CHODL: variants seen among roughly 807,000 people sequenced by gnomAD.
The protein encoded by CHODL is chondrolectin, also known as transmembrane protein MT75.
A neutral mutation model predicts 34.5 loss-of-function variants in CHODL; 29 were observed. That is an observed-to-expected ratio of 0.84 (90% CI 0.63 to 1.15). The LOEUF is 1.15. CHODL is among the 50% of genes most tolerant of loss of function. The pLI, the probability that CHODL is intolerant of heterozygous loss-of-function variation, is 0.00. For missense variants in CHODL, 332 were observed against 332.5 expected (o/e 1.00, Z 0.01); for synonymous variants, 125 against 116.1 (o/e 1.08, Z -0.49).
At chr21:18,006,930 T>A (rs1218159869) in intron 1 of CHODL, among the ~76,000 whole-genome samples, 1 of 152,230 alleles carries the variant, frequency 6.6e-6, no homozygotes, top group Non-Finnish European at 1.5e-5. Context: ...ATTCTTGGCT[T>A]GATGTTGCAG....
Position 18,244,898 on chromosome 21 carries a change from G to C in CHODL, c.-326G>C, listed in dbSNP as rs886235636. 4 of 290,554 alleles carry C rather than the reference G, an allele frequency of 1.4e-5. No homozygotes were observed. Among genetic ancestry groups the C allele is most frequent in the African/African-American group, 6.6e-5 (3 of 45,428 alleles). 18.0% of individuals were successfully genotyped at this position (290,554 alleles called of 1,614,324 possible). A position where few individuals can be genotyped will look rare whatever the true frequency, so the allele number is the denominator to read the frequency against. On this transcript the variant is annotated 5_prime_UTR_variant, in exon 1 of 6. Coordinates refer to ENST00000299295, the MANE Select transcript of CHODL (RefSeq NM_024944.3). ...CTCTCACTTGTCAGAGGCCGGGGAAGAGAAGCAAAGCGCAACGGTGTGGTC... is the reference window on the plus strand; with the variant it reads ...CTCTCACTTGTCAGAGGCCGGGGAACAGAAGCAAAGCGCAACGGTGTGGTC...
chr21:17,932,982 G>A (rs1308509892), intron 1 of CHODL, among the ~76,000 whole-genome samples: 2 of 152,198 alleles, frequency 1.3e-5, no homozygotes, highest in East Asian at 1.9e-4. Flanking sequence ...AAACACGTGA[G>A]GGAAGGTCTC....
rs2063336099 is a variant in CHODL, at chr21:17,938,496, G to GTTTTTTTTTTTTTTT, written c.-145+21096_-145+21097insTTTTTTTTTTTTTTT. Reference sequence around the variant, plus strand: ...TTTTTTTTTTTTTTTTTTTTTTTAAGGAAAGGGAGTCTCGCTCCATCGCCC... The same window carrying GTTTTTTTTTTTTTTT: ...TTTTTTTTTTTTTTTTTTTTTTTAAGTTTTTTTTTTTTTTTGAAAGGGAGTCTCGCTCCATCGCCC... On this transcript the variant is annotated intron_variant, in intron 1 of 6. Transcript: ENST00000400127. Among the ~76,000 whole-genome samples, 31 of 43,684 alleles carry GTTTTTTTTTTTTTTT rather than the reference G, an allele frequency of 7.1e-4. 12 individuals carry two copies. Among genetic ancestry groups the GTTTTTTTTTTTTTTT allele is most frequent in the South Asian group, 2.4e-3 (2 of 836 alleles). 28.7% of individuals were successfully genotyped at this position (43,684 alleles called of 152,430 possible).
intron 1 of CHODL, among the ~76,000 whole-genome samples, chr21:17,953,556 G>A (rs1453242192): frequency 5.9e-5 from 9 of 151,936 alleles, no homozygotes; most frequent in Admixed American, 5.9e-4. Flanking sequence ...GAGAAAATGA[G>A]TACAAAATGT....
chr21:17,985,798 A>G (rs1353473933), intron 1 of CHODL, among the ~76,000 whole-genome samples: 2 of 152,210 alleles, frequency 1.3e-5, no homozygotes, highest in Non-Finnish European at 2.9e-5. Flanking sequence ...TCTGGCTGCT[A>G]TAACAAATGA....
chr21:18,147,444 T>C (rs2072906964), intron 2 of CHODL, among the ~76,000 whole-genome samples: 1 of 152,232 alleles, frequency 6.6e-6, no homozygotes, highest in Non-Finnish European at 1.5e-5. Flanking sequence ...AACAGCTGCC[T>C]AAAATGTGGC....
intron 1 of CHODL, among the ~76,000 whole-genome samples, chr21:18,001,001 A>T (rs1276342832): frequency 6.6e-6 from 1 of 152,166 alleles, no homozygotes; most frequent in Non-Finnish European, 1.5e-5. Flanking sequence ...GGAGAAAAAA[A>T]TGGAAGAAGC....
At position 18,046,281 on chromosome 21, in the gene CHODL, T is replaced by C. The variant is rs370070023; in HGVS notation, c.-45+18310T>C. The stretch of plus-strand genomic sequence containing the variant: ...ATGGATATTAAGCTAGAGAATTCTT[T>C]GGTGTACATTTAAGCTGCAGTGCAA... On this transcript the variant is annotated intron_variant, in intron 2 of 6. Coordinates refer to the CHODL transcript ENST00000400127. Among the ~76,000 whole-genome samples, 277 of 152,034 alleles carry C rather than the reference T, an allele frequency of 1.8e-3. 2 individuals carry two copies. The highest frequency in any genetic ancestry group is 6.8e-3 in the Middle Eastern group (2 of 294).
At chr21:18,176,386 C>T (rs2073312915) in intron 2 of CHODL, among the ~76,000 whole-genome samples, 1 of 152,124 alleles carries the variant, frequency 6.6e-6, no homozygotes, top group Non-Finnish European at 1.5e-5. Flanking sequence ...GGTAAGATTT[C>T]ATGTTCATTG....
chr21:17,992,715 G>GTTTTTTTTTTTTTTTTTTTTTT (rs1237074983), intron 1 of CHODL, among the ~76,000 whole-genome samples: 1 of 31,510 alleles, frequency 3.2e-5, no homozygotes. Context: ...TTCTGGTGGA[G>GTTTTTTTTTTTTTTTTTTTTTT]TTGTTTTTTT....
chr21:18,027,065 C>T (rs2064184066), intron 1 of CHODL, among the ~76,000 whole-genome samples: 1 of 151,834 alleles, frequency 6.6e-6, no homozygotes, highest in Non-Finnish European at 1.5e-5. Flanking sequence ...TTGCTGAAAG[C>T]CAGGAGTTTG....
At chr21:18,046,468 A>T (rs150811238) in intron 2 of CHODL, among the ~76,000 whole-genome samples, 1 of 152,030 alleles carries the variant, frequency 6.6e-6, no homozygotes, top group Non-Finnish European at 1.5e-5. Context: ...TGAGATTAGA[A>T]TGACAGGACC....
intron 2 of CHODL, among the ~76,000 whole-genome samples, chr21:18,067,959 T>C (rs1334213902): frequency 6.6e-6 from 1 of 152,188 alleles, no homozygotes; most frequent in Non-Finnish European, 1.5e-5. Flanking sequence ...TTACTTAATT[T>C]TAATTGTTGC....
At chr21:18,164,585 T>G (rs1337309882) in intron 2 of CHODL, among the ~76,000 whole-genome samples, 5 of 152,224 alleles carry the variant, frequency 3.3e-5, no homozygotes, top group African/African-American at 1.2e-4. Flanking sequence ...TTTCTTCAAC[T>G]GTTGGATGAG....
chr21:18,049,101 A>G (rs1000167697), intron 2 of CHODL, among the ~76,000 whole-genome samples: 3 of 152,088 alleles, frequency 2.0e-5, no homozygotes, highest in Middle Eastern at 3.4e-3. Context: ...GTTCTTGTAC[A>G]GTGTATTCAA....
intron 2 of CHODL, among the ~76,000 whole-genome samples, chr21:18,037,813 G>A (rs916902914): frequency 2.6e-5 from 4 of 151,702 alleles, no homozygotes; most frequent in African/African-American, 9.7e-5. Flanking sequence ...AGTGTTAAGA[G>A]AGGGGAATAT....
chr21:18,136,102 T>A (rs1417927709), intron 2 of CHODL, among the ~76,000 whole-genome samples: 3 of 44,196 alleles, frequency 6.8e-5, no homozygotes, highest in Non-Finnish European at 1.3e-4. Context: ...CAAGATTATG[T>A]CTCAAAAAAA....
intron 1 of CHODL, among the ~76,000 whole-genome samples, chr21:18,014,064 G>A (rs988479941): frequency 6.6e-6 from 1 of 152,162 alleles, no homozygotes; most frequent in Admixed American, 6.5e-5. Flanking sequence ...GGCACAAGCT[G>A]ATAGGTTACT....
intron 2 of CHODL, among the ~76,000 whole-genome samples, chr21:18,142,813 A>C (rs2072818836): frequency 6.6e-6 from 1 of 152,192 alleles, no homozygotes; most frequent in South Asian, 2.1e-4. Context: ...AGCTGGCTGC[A>C]TGCCTAGATT....
Sources: allele counts gnomAD v4.1 joint callset (sites outside exome capture counted in the v4.1 genomes callset), GRCh38; gene constraint gnomAD v4.1.1; transcripts MANE v1.5; gene names NCBI Gene and HGNC (gene_info 2026-07-23, HGNC 2026-07-21).